ERGIC1: variants seen among roughly 807,000 people sequenced by gnomAD.
ERGIC1 encodes the protein endoplasmic reticulum-Golgi intermediate compartment protein 1.
Under a neutral mutation model 38.3 loss-of-function variants are expected in ERGIC1, and 19 were observed. That is an observed-to-expected ratio of 0.50 (90% CI 0.35 to 0.73). The LOEUF is 0.73. ERGIC1 is among the 30% of genes least tolerant of loss of function. ERGIC1 has a pLI of 0.01. For missense variants in ERGIC1, 294 were observed against 389.2 expected, an observed-to-expected ratio of 0.76 and a Z score of 2.06; for synonymous variants, 124 against 157.6, an observed-to-expected ratio of 0.79 and a Z score of 1.60.
At chr5:172,916,488 C>G (rs992933461) in intron 5 of ERGIC1, 4 of 152,162 alleles carry the variant, frequency 2.6e-5, no homozygotes, top group Admixed American at 1.3e-4. Flanking sequence ...CTGGACTATC[C>G]AATAGGTTGC....
chr5:172,921,379 C>T (rs1482591256), intron 5 of ERGIC1: 1 of 152,292 alleles, frequency 6.6e-6, no homozygotes, highest in East Asian at 1.9e-4. Flanking sequence ...CCCTTCTCCA[C>T]TGTAGCCTGC....
chr5:172,835,983 C>T (rs1761025346), intron 1 of ERGIC1, among the ~76,000 whole-genome samples: 1 of 152,196 alleles, frequency 6.6e-6, no homozygotes, highest in Non-Finnish European at 1.5e-5. Context: ...CCAGGCCAAC[C>T]ATAGGGATTC....
At position 172,896,540 on chromosome 5, in the gene ERGIC1, C is replaced by T. The variant is rs73325178; in HGVS notation, c.83-462C>T. ...AGGGAGTGGTGGGGCCTGTGGCAAA[C>T]TCATGGGCTCCGACCCTCCGTGGGA... is the stretch of plus-strand genomic sequence containing the variant. On this transcript the variant is annotated intron_variant, in intron 2 of 9. Transcript: ENST00000393784. Among the ~76,000 whole-genome samples, 372 of 152,272 alleles carry T rather than the reference C, an allele frequency of 2.4e-3. 1 individual carries two copies. Among genetic ancestry groups the T allele is most frequent in the African/African-American group, 8.6e-3 (357 of 41,546 alleles).
In ERGIC1 at chr5:172,951,320, C is replaced by T. The variant is rs79032679; in HGVS notation, c.*504C>T. On this transcript the variant is annotated 3_prime_UTR_variant, in exon 10 of 10. Transcript: ENST00000393784. ...AAGGTACTCCTTTATACACCCGGCA[C>T]CTTCCACGAAAGATGGTACTTCCCA... 765 of 152,606 alleles carry T rather than the reference C, an allele frequency of 5.0e-3. 6 individuals are homozygous for T. Among genetic ancestry groups the T allele is most frequent in the Non-Finnish European group, 7.8e-3 (530 of 68,230 alleles). The allele number at this position is 152,606 out of a possible 1,614,324, so 9.5% of individuals were successfully genotyped here.
chr5:172,836,004 C>A (rs184661984), intron 1 of ERGIC1, among the ~76,000 whole-genome samples: 2 of 152,200 alleles, frequency 1.3e-5, no homozygotes, highest in Non-Finnish European at 2.9e-5. Context: ...GTGCCACCGC[C>A]GCCCCCTGCC....
intron 9 of ERGIC1, among the ~76,000 whole-genome samples, chr5:172,939,267 C>G (rs926956005): frequency 6.6e-6 from 1 of 152,322 alleles, no homozygotes; most frequent in Admixed American, 6.5e-5. Context: ...GTGACCGGCT[C>G]TAGTGGAGAT....
chr5:172,852,916 TG>T (rs1761449165), intron 1 of ERGIC1, among the ~76,000 whole-genome samples: 3 of 152,368 alleles, frequency 2.0e-5, no homozygotes, highest in Admixed American at 2.0e-4. Context: ...TCTGGCCCCA[TG>T]GGTGACGGTG....
At chr5:172,851,519 A>T (rs1008525120) in intron 1 of ERGIC1, among the ~76,000 whole-genome samples, 2 of 152,194 alleles carry the variant, frequency 1.3e-5, no homozygotes, top group African/African-American at 4.8e-5. Flanking sequence ...AATAAAAAAT[A>T]AAAAAATTGG....
chr5:172,870,829 T>C (rs984599865), intron 1 of ERGIC1, among the ~76,000 whole-genome samples: 3 of 152,186 alleles, frequency 2.0e-5, no homozygotes, highest in African/African-American at 7.2e-5. Context: ...GGAAGCCAAG[T>C]GGCTCCCCGA....
intron 1 of ERGIC1, among the ~76,000 whole-genome samples, chr5:172,852,792 C>A (rs564455066): frequency 5.1e-4 from 78 of 152,350 alleles, no homozygotes; most frequent in Non-Finnish European, 8.4e-4. Context: ...ACGTGTACAT[C>A]ACTCAGCATG....
In ERGIC1 at chr5:172,906,284, A is replaced by G. The variant is rs56026230; in HGVS notation, c.156-3383A>G. On this transcript the variant is annotated intron_variant, in intron 3 of 9. Coordinates refer to ENST00000393784, the MANE Select transcript of ERGIC1 (RefSeq NM_001031711.3). ...GAGGAGAGGGCTGGGAGGCAGCCTG[A>G]GCTGTGGAAAGGCTGGGTTGAGATT... is the stretch of plus-strand genomic sequence containing the variant. 2.3e-4 allele frequency: 95 copies of G among 404,458 alleles called. 1 individual carries two copies. Among genetic ancestry groups the G allele is most frequent in the Middle Eastern group, 5.0e-4 (1 of 1,992 alleles). The allele number at this position is 404,458 out of a possible 1,614,324, so 25.1% of individuals were successfully genotyped here.
At chr5:172,903,416 C>T (rs563776015) in intron 3 of ERGIC1, among the ~76,000 whole-genome samples, 7 of 152,268 alleles carry the variant, frequency 4.6e-5, no homozygotes, top group Non-Finnish European at 7.4e-5. Flanking sequence ...AGCTTTTCAC[C>T]GATTCCCATC....
chr5:172,933,331 G>C (rs921061021), intron 8 of ERGIC1: 1 of 152,186 alleles, frequency 6.6e-6, no homozygotes, highest in African/African-American at 2.4e-5. Flanking sequence ...GTCACTCATT[G>C]AGTACTTCCT....
chr5:172,935,142 CCT>C (rs757370376), intron 8 of ERGIC1, 44 bp from the exon 9 acceptor site: 6 of 1,613,106 alleles, frequency 3.7e-6, no homozygotes, highest in South Asian at 2.2e-5. Flanking sequence ...CCCCGCCCCC[CCT>C]GAGACACAGT....
chr5:172,894,974 G>C (rs1029454733), intron 2 of ERGIC1, among the ~76,000 whole-genome samples: 3 of 152,246 alleles, frequency 2.0e-5, no homozygotes, highest in Admixed American at 6.5e-5. Flanking sequence ...AGGTAGATAG[G>C]CAGATCGATA....
intron 1 of ERGIC1, among the ~76,000 whole-genome samples, chr5:172,877,262 CT>C (rs1762156190): frequency 6.6e-6 from 1 of 152,080 alleles, no homozygotes; most frequent in East Asian, 1.9e-4. Context: ...AAATGCCATC[CT>C]TACAATGTTG....
intron 1 of ERGIC1, among the ~76,000 whole-genome samples, chr5:172,869,777 C>T (rs74924940): frequency 0.018 from 2,788 of 152,258 alleles, 45 homozygotes; most frequent in Middle Eastern, 0.031. Context: ...GATGGGACAC[C>T]CGTTCTTCCT....
At chr5:172,869,653 T>G (rs1366993964) in intron 1 of ERGIC1, among the ~76,000 whole-genome samples, 2 of 152,234 alleles carry the variant, frequency 1.3e-5, no homozygotes, top group Non-Finnish European at 2.9e-5. Context: ...AAATCAAATT[T>G]TCTTATCCAC....
At chr5:172,923,931 C>T (rs1763591713) in intron 5 of ERGIC1, 74 bp from the exon 6 acceptor site, 1 of 1,340,070 alleles carries the variant, frequency 7.5e-7, no homozygotes, top group Non-Finnish European at 1.1e-6. Context: ...CCCTGGATCA[C>T]ACAGGGTGAG....
Sources: gnomAD v4.1 joint callset for allele counts (sites outside exome capture counted in the v4.1 genomes callset) on GRCh38, gnomAD v4.1.1 for gene constraint, MANE v1.5 for transcripts, NCBI Gene and HGNC (gene_info 2026-07-23, HGNC 2026-07-21) for gene names.